The following NAV1 variants were observed in gnomAD, a reference collection of about 807,000 sequenced individuals.
The protein encoded by NAV1 is neuron navigator 1, also known as pore membrane and/or filament interacting like protein 3.
In NAV1, 18 loss-of-function variants were observed where a neutral mutation model predicts 175.2. The observed-to-expected ratio is 0.10, with a 90% CI of 0.07 to 0.15. The LOEUF is 0.15. NAV1 is among the 10% of genes least tolerant of loss of function. NAV1 has a pLI of 1.00. For missense variants in NAV1, 1,731 were observed against 2,436.6 expected, an observed-to-expected ratio of 0.71 and a Z score of 6.10; for synonymous variants, 897 against 978.7, an observed-to-expected ratio of 0.92 and a Z score of 1.56.
intron 2 of NAV1, among the ~76,000 whole-genome samples, chr1:201,592,892 G>A (rs943248489): frequency 3.3e-5 from 5 of 152,090 alleles, no homozygotes; most frequent in East Asian, 1.9e-4. Flanking sequence ...GATGCGGTTC[G>A]TGGCCCTCTC....
Position 201,781,315 on chromosome 1 carries a change from C to A in NAV1, c.1663+6C>A. On this transcript the variant is annotated splice_donor_region_variant and intron_variant, in intron 5 of 29. Coordinates refer to ENST00000367296, the Ensembl canonical transcript of NAV1. ...GAGTGCCCTCAAAGTCGCAGGTGAG[C>A]CTGGAATAAAGGAAGGTACAAGGGC... 2 of 1,599,526 alleles carry A rather than the reference C, an allele frequency of 1.3e-6. No individual in the cohort carries two copies. The highest frequency in any genetic ancestry group is 1.7e-5 in the Admixed American group (1 of 57,746).
At chr1:201,669,033 T>C (rs1471145273) in intron 1 of NAV1, among the ~76,000 whole-genome samples, 3 of 152,178 alleles carry the variant, frequency 2.0e-5, no homozygotes, top group Non-Finnish European at 2.9e-5. Context: ...TAGCTGAGGA[T>C]GGAGCTTTGG....
intron 3 of NAV1, among the ~76,000 whole-genome samples, chr1:201,736,474 C>G (rs1177609019): frequency 2.0e-5 from 3 of 152,200 alleles, no homozygotes; most frequent in Non-Finnish European, 4.4e-5. Flanking sequence ...CTCCCATAAA[C>G]TATCTTTCGA....
chr1:201,779,484 G>T (rs1215458455), intron 3 of NAV1, among the ~76,000 whole-genome samples: 1 of 148,492 alleles, frequency 6.7e-6, no homozygotes, highest in African/African-American at 2.5e-5. Context: ...TGTAATCCCA[G>T]CTTCTTGAGA....
At position 201,787,652 on chromosome 1, in the gene NAV1, G is replaced by C. The variant is rs1399281733; in HGVS notation, c.2996-816G>C. The C allele has an allele frequency of 2.2e-6, 1 of 456,242 alleles. No homozygotes were observed. The highest frequency in any genetic ancestry group is 1.5e-5 in the South Asian group (1 of 64,560). The allele number at this position is 456,242 out of a possible 1,614,324, so 28.3% of individuals were successfully genotyped here. A position where few individuals can be genotyped will look rare whatever the true frequency, so the allele number is the denominator to read the frequency against. ...GAGGTGTGCCATCTTCTTCTGCACAGGTCTTTATGGACAGATTAGACATCC... is the reference window on the plus strand; with the variant it reads ...GAGGTGTGCCATCTTCTTCTGCACACGTCTTTATGGACAGATTAGACATCC... On this transcript the variant is annotated intron_variant, in intron 9 of 29. Transcript: ENST00000367296. The surrounding 1 kb of genome is among the most constrained non-coding windows in gnomAD (Gnocchi z 4.3).
chr1:201,762,573 CATTT>C (rs1390416702), intron 3 of NAV1, among the ~76,000 whole-genome samples: 2 of 152,208 alleles, frequency 1.3e-5, no homozygotes, highest in Non-Finnish European at 2.9e-5. Flanking sequence ...TAGCCGGATT[CATTT>C]GTTTACATAC....
chr1:201,666,360 A>AT (rs1004096388), intron 1 of NAV1, among the ~76,000 whole-genome samples: 9 of 152,182 alleles, frequency 5.9e-5, no homozygotes, highest in Non-Finnish European at 8.8e-5. Flanking sequence ...TACAAAAAAA[A>AT]AAATAAATCA....
intron 1 of NAV1, among the ~76,000 whole-genome samples, chr1:201,675,542 A>G (rs940323006): frequency 1.3e-5 from 2 of 152,190 alleles, no homozygotes; most frequent in African/African-American, 4.8e-5. Context: ...CTTACCATTA[A>G]CTTACAACAA....
chr1:201,815,735 T>C (rs1678987409), intron 28 of NAV1, among the ~76,000 whole-genome samples: 1 of 152,148 alleles, frequency 6.6e-6, no homozygotes, highest in South Asian at 2.1e-4. Flanking sequence ...GAATAGTTTT[T>C]ATTTATTTAT....
chr1:201,783,592 C>A, exon 7 of NAV1: 1 of 1,614,170 alleles, frequency 6.2e-7, no homozygotes. Flanking sequence ...CGGCACCCAT[C>A]CTCAATATTA....
rs181888140 is a variant in NAV1 at position 201,748,114 on chromosome 1, T to C, written c.1226+29359T>C. Among the ~76,000 whole-genome samples the C allele has an allele frequency of 1.4e-4, 22 of 152,360 alleles. No individual in the cohort carries two copies. In the East Asian group the frequency reaches 3.1e-3, roughly 21 times the overall value. On this transcript the variant is annotated intron_variant, in intron 3 of 29. Transcript: ENST00000367296. Reference sequence around the variant, plus strand: ...TAAAGACTACTCTTCTCAGTGCTCATAATGTGTTTTGGAATTATTACCTTT... The same window carrying C: ...TAAAGACTACTCTTCTCAGTGCTCACAATGTGTTTTGGAATTATTACCTTT...
chr1:201,809,086 G>A (rs1678517911), intron 20 of NAV1, 78 bp from the exon 25 acceptor site: 31 of 1,455,300 alleles, frequency 2.1e-5, no homozygotes, highest in Non-Finnish European at 3.0e-5. Flanking sequence ...GAGTTATTTT[G>A]GAAAGGATAA....
At chr1:201,781,359 T>C in intron 5 of NAV1, 50 bp downstream of exon 9, 4 of 1,503,220 alleles carry the variant, frequency 2.7e-6, no homozygotes, top group Non-Finnish European at 3.6e-6. Flanking sequence ...AGTTCTTTGG[T>C]TGCTCCTCTT....
chr1:201,648,016 C>T (rs936493422), upstream of NAV1, among the ~76,000 whole-genome samples: 4 of 151,462 alleles, frequency 2.6e-5, no homozygotes, highest in Non-Finnish European at 4.4e-5. Flanking sequence ...CCCTACCCCC[C>T]ACTCATCCGC....
At chr1:201,618,594 G>A (rs1030631291), upstream of NAV1, among the ~76,000 whole-genome samples, 7 of 152,152 alleles carry the variant, frequency 4.6e-5, no homozygotes, top group Middle Eastern at 3.4e-3. Flanking sequence ...GGCAGAGCCC[G>A]GATATGCTCT....
chr1:201,816,861 A>G, intron 28 of NAV1: 1 of 535,648 alleles, frequency 1.9e-6, no homozygotes. Flanking sequence ...TTTAGTAGAA[A>G]CAGGGTTTCA....
At position 201,790,548 on chromosome 1, in the gene NAV1, C is replaced by T; in HGVS notation, c.3220-6C>T. On this transcript the variant is annotated splice_polypyrimidine_tract_variant and splice_region_variant and intron_variant, in intron 11 of 29. Coordinates refer to ENST00000367296, the Ensembl canonical transcript of NAV1. ...TCTTTCTCTCCTTCTGTGCTCCCTT[C>T]TTCAGGCTGAGGAGAGGATGCAATC... The T allele has an allele frequency of 6.2e-7, 1 of 1,614,090 alleles. No individual in the cohort carries two copies. The highest frequency in any genetic ancestry group is 8.5e-7 in the Non-Finnish European group (1 of 1,179,992).
chr1:201,795,525 G>T (rs903385734), intron 15 of NAV1: 4 of 151,818 alleles, frequency 2.6e-5, no homozygotes, highest in African/African-American at 9.7e-5. Context: ...CCTGCCAAAG[G>T]CTCTTGTATG....
intron 1 of NAV1, among the ~76,000 whole-genome samples, chr1:201,583,418 T>G (rs990530587): frequency 6.6e-6 from 1 of 152,248 alleles, no homozygotes. Context: ...GCTCCCATTA[T>G]CTGTAGACTC....
Sources: gnomAD v4.1 joint callset for allele counts (sites outside exome capture counted in the v4.1 genomes callset) on GRCh38, gnomAD v4.1.1 for gene constraint, Gnocchi (gnomAD v3.1) non-coding constraint, MANE v1.5 for transcripts, NCBI Gene and HGNC (gene_info 2026-07-23, HGNC 2026-07-21) for gene names.